Variants in HNRNPDL observed in about 807,000 individuals in gnomAD.
HNRNPDL encodes the protein heterogeneous nuclear ribonucleoprotein D like, also known as heterogeneous nuclear ribonucleoprotein D-like.
In HNRNPDL, 18 loss-of-function variants were observed where a neutral mutation model predicts 48.0. The ratio of observed to expected loss-of-function variants is 0.38; its 90% CI spans 0.26 to 0.56. The LOEUF (loss-of-function observed/expected upper bound fraction) is 0.56. HNRNPDL is among the 20% of genes least tolerant of loss of function. The pLI is 0.77. For synonymous variants in HNRNPDL, 306 were observed against 207.3 expected (o/e 1.48, Z -4.09); for missense variants, 553 against 540.7 (o/e 1.02, Z -0.23).
Position 82,426,633 on chromosome 4 carries a change from C to G in HNRNPDL, c.1022G>C (p.Gly341Ala). The change falls in exon 6 of 8, where the codon GGT (glycine) becomes GCT (alanine). Residue 341 changes from glycine to alanine, a missense_variant and splice_region_variant. Coordinates refer to ENST00000295470, the MANE Select transcript of HNRNPDL (RefSeq NM_031372.4). ...TCCTTGGTTCCAGTTTTGGCCCTGA[C>G]CTGAAACAATGCACAATGATTGTTA... is the stretch of plus-strand genomic sequence containing the variant. ...GRGGTRGRGR[G>A]QGQNWNQGFN... The G allele has an allele frequency of 6.2e-7, 1 of 1,613,256 alleles. No individual in the cohort carries two copies. The highest frequency in any genetic ancestry group is 8.5e-7 in the Non-Finnish European group (1 of 1,179,506).
intron 5 of HNRNPDL, among the ~76,000 whole-genome samples, 177 bp from the exon 6 acceptor site, chr4:82,426,810 A>G (rs776765402): frequency 2.6e-5 from 4 of 152,216 alleles, no homozygotes; most frequent in Non-Finnish European, 4.4e-5. Flanking sequence ...AGAAAGTCCA[A>G]TTGTGCCAGT....
At chr4:82,429,121 G>A in intron 1 of HNRNPDL, 127 bp downstream of exon 1, 3 of 844,098 alleles carry the variant, frequency 3.6e-6, no homozygotes, top group Non-Finnish European at 3.9e-6. Context: ...CTCCAATCTA[G>A]TGGGGCCCAG....
At chr4:82,426,236 TAA>T (rs1359796676) in intron 6 of HNRNPDL, 107 bp from the exon 7 acceptor site, 25 of 1,094,012 alleles carry the variant, frequency 2.3e-5, no homozygotes, top group Non-Finnish European at 3.3e-5. Flanking sequence ...TAAAAAGTAT[TAA>T]GATATTTTAG....
chr4:82,426,709 T>C, intron 5 of HNRNPDL, 76 bp from the exon 6 acceptor site: 3 of 1,210,446 alleles, frequency 2.5e-6, no homozygotes, highest in Non-Finnish European at 3.6e-6. Flanking sequence ...CGTTCTTGTC[T>C]CTCACTCTGC....
chr4:82,429,590 G>C lies in HNRNPDL; in HGVS notation c.101C>G (p.Pro34Arg), dbSNP rs988355917. 7 of 1,378,180 alleles carry C rather than the reference G, an allele frequency of 5.1e-6. No individual in the cohort carries two copies. The highest frequency in any genetic ancestry group is 1.6e-5 in the African/African-American group (1 of 64,236). 85.4% of individuals were successfully genotyped at this position (1,378,180 alleles called of 1,614,324 possible). Residue 34 changes from proline to arginine, a missense_variant, in exon 1 of 8, where the codon CCG becomes CGG. Physicochemically the swap from Pro to Arg is moderately radical, Grantham distance 103. Transcript: ENST00000295470. ...SRSLSHWRPR[P>R]PRQLAPLLPS... ...GAGGAGCGGGGCTAGCTGCCGCGGC[G>C]GCCGCGGCCGCCAATGGGAGAGGCT... is the stretch of plus-strand genomic sequence containing the variant.
rs1262248160 is a variant in HNRNPDL, at chr4:82,423,128, T to G, written c.*1778A>C. 6.6e-6 allele frequency: 1 copy of G among 152,210 alleles called. No individual in the cohort carries two copies. 9.4% of individuals were successfully genotyped at this position (152,210 alleles called of 1,614,324 possible). On this transcript the variant is annotated 3_prime_UTR_variant, in exon 8 of 8. Coordinates refer to ENST00000295470, the MANE Select transcript of HNRNPDL (RefSeq NM_031372.4). ...AATTCTCACTCCCCCTTCAATTCTT[T>G]GCAAAACATCTCAATCATCTCTAGA...
chr4:82,424,091 G>T lies in HNRNPDL; in HGVS notation c.*815C>A, dbSNP rs1468763805. On this transcript the variant is annotated 3_prime_UTR_variant, in exon 8 of 8. Transcript: ENST00000295470. ...ACCTTTCTACCAAAATCCTTGAGTT[G>T]TAACTACTTCCAATGCTCTTAAACC... The T allele has an allele frequency of 6.6e-6, 1 of 152,156 alleles. No homozygotes were observed. Among genetic ancestry groups the T allele is most frequent in the African/African-American group, 2.4e-5 (1 of 41,422 alleles). 9.4% of individuals were successfully genotyped at this position (152,156 alleles called of 1,614,324 possible). A position where few individuals can be genotyped will look rare whatever the true frequency, so the allele number is the denominator to read the frequency against.
Position 82,424,018 on chromosome 4 carries a change from CAACT to C in HNRNPDL, c.*884_*887del, listed in dbSNP as rs1031562855. On this transcript the variant is annotated 3_prime_UTR_variant, in exon 8 of 8. Transcript: ENST00000295470. The stretch of plus-strand genomic sequence containing the variant: ...ATCTTGTGGCGGCTCTGAGAAAACA[CAACT>C]AAATCTTATTTTGCCACTATTTTAA... 11 of 152,170 alleles carry C rather than the reference CAACT, an allele frequency of 7.2e-5. No homozygotes were observed. The highest frequency in any genetic ancestry group is 2.7e-4 in the African/African-American group (11 of 41,440). The allele number at this position is 152,170 out of a possible 1,614,324, so 9.4% of individuals were successfully genotyped here. A position where few individuals can be genotyped will look rare whatever the true frequency, so the allele number is the denominator to read the frequency against.
At position 82,429,410 on chromosome 4, in the gene HNRNPDL, G is replaced by A. The variant is rs1051584744; in HGVS notation, c.281C>T (p.Ser94Phe). 8.7e-6 allele frequency: 14 copies of A among 1,613,290 alleles called. No individual in the cohort carries two copies. Among genetic ancestry groups the A allele is most frequent in the Non-Finnish European group, 1.2e-5 (14 of 1,179,744 alleles). ...DLFRRHFKSS[S>F]IQRSAAAAAA... Reference sequence around the variant, plus strand: ...AGCAGCGGCGGCGGAGCGTTGTATGGAGCTGGATTTAAAATGGCGGCGGAA... The same window carrying A: ...AGCAGCGGCGGCGGAGCGTTGTATGAAGCTGGATTTAAAATGGCGGCGGAA... Residue 94 changes from serine to phenylalanine, a missense_variant, in exon 1 of 8, where the codon TCC becomes TTC. Transcript: ENST00000295470.
At position 82,423,145 on chromosome 4, in the gene HNRNPDL, A is replaced by G. The variant is rs543017954; in HGVS notation, c.*1761T>C. On this transcript the variant is annotated 3_prime_UTR_variant, in exon 8 of 8. Coordinates refer to ENST00000295470, the MANE Select transcript of HNRNPDL (RefSeq NM_031372.4). ...CAATTCTTTGCAAAACATCTCAATC[A>G]TCTCTAGATGTAGTGTATTTTTTCT... is the stretch of plus-strand genomic sequence containing the variant. 29 of 152,288 alleles carry G rather than the reference A, an allele frequency of 1.9e-4. No individual in the cohort carries two copies. Among genetic ancestry groups the G allele is most frequent in the African/African-American group, 6.7e-4 (28 of 41,552 alleles). The allele number at this position is 152,288 out of a possible 1,614,324, so 9.4% of individuals were successfully genotyped here.
chr4:82,426,409 T>C (rs1721410565), intron 6 of HNRNPDL, 54 bp downstream of exon 6: 1 of 1,483,978 alleles, frequency 6.7e-7, no homozygotes, highest in Non-Finnish European at 9.4e-7. Flanking sequence ...GGATTGTATG[T>C]TAACAATGAA....
chr4:82,429,308 T>G lies in HNRNPDL; in HGVS notation c.383A>C (p.Asn128Thr). The change falls in exon 1 of 8, where the codon AAT (asparagine) becomes ACT (threonine). Residue 128 changes from asparagine (N) to threonine (T), a missense_variant. Around this residue, in one of 4 missense-constraint regions of HNRNPDL, gnomAD observed 327 missense variants for 203.2 expected, o/e 1.61. Coordinates refer to ENST00000295470, the MANE Select transcript of HNRNPDL (RefSeq NM_031372.4). ...GGATCCCTCTGCGAATTCCTCTATA[T>G]TGCTGTACTCGTTCATATCCTCCAT... The part of the protein sequence containing the change: ...VTMEDMNEYS[N>T]IEEFAEGSKI... 1 of 1,613,836 alleles carries G rather than the reference T, an allele frequency of 6.2e-7. No homozygotes were observed. The highest frequency in any genetic ancestry group is 8.5e-7 in the Non-Finnish European group (1 of 1,179,892).
At chr4:82,426,369 T>A (rs1006975902) in intron 6 of HNRNPDL, 94 bp downstream of exon 6, 3 of 1,158,370 alleles carry the variant, frequency 2.6e-6, no homozygotes, top group Non-Finnish European at 3.8e-6. Context: ...AACACTTTAA[T>A]GGAAAGCCCA....
In HNRNPDL at chr4:82,429,763, A is replaced by G; in HGVS notation, c.-73T>C. 1.7e-6 allele frequency: 2 copies of G among 1,169,040 alleles called. No homozygotes were observed. The highest frequency in any genetic ancestry group is 2.2e-6 in the Non-Finnish European group (2 of 905,378). 72.4% of individuals were successfully genotyped at this position (1,169,040 alleles called of 1,614,324 possible). A position where few individuals can be genotyped will look rare whatever the true frequency, so the allele number is the denominator to read the frequency against. On this transcript the variant is annotated 5_prime_UTR_variant, in exon 1 of 8. Coordinates refer to ENST00000295470, the MANE Select transcript of HNRNPDL (RefSeq NM_031372.4). ...CTTGGGAGAAGAGAAGAATCAGAAG[A>G]GAAAAACGAAGGGGCGTAAATTCCT...
Position 82,424,057 on chromosome 4 carries a change from CAA to C in HNRNPDL, c.*847_*848del, listed in dbSNP as rs1324312457. On this transcript the variant is annotated 3_prime_UTR_variant, in exon 8 of 8. Transcript: ENST00000295470. ...TTTGCCACTATTTTAATTTTTCGAC[CAA>C]ACTCATACCTTTCTACCAAAATCCT... 1 of 152,160 alleles carries C rather than the reference CAA, an allele frequency of 6.6e-6. No individual in the cohort carries two copies. Among genetic ancestry groups the C allele is most frequent in the African/African-American group, 2.4e-5 (1 of 41,408 alleles). The allele number at this position is 152,160 out of a possible 1,614,324, so 9.4% of individuals were successfully genotyped here.
chr4:82,428,204 G>T, intron 2 of HNRNPDL, 25 bp from the exon 3 acceptor site: 1 of 1,611,936 alleles, frequency 6.2e-7, no homozygotes, highest in South Asian at 1.1e-5. Context: ...TATTTAATCT[G>T]ACAGCACCAT....
Position 82,427,509 on chromosome 4 carries a change from C to T in HNRNPDL, c.830G>A (p.Cys277Tyr). The T allele has an allele frequency of 6.2e-7, 1 of 1,609,600 alleles. No homozygotes were observed. Among genetic ancestry groups the T allele is most frequent in the Non-Finnish European group, 8.5e-7 (1 of 1,178,270 alleles). ...DTKTNERRGF[C>Y]FITYTDEEPV... ...CTCTTCATCAGTATATGTGATAAAACAAAATCCTCTTCTTTCATTTGTTTT... is the reference window on the plus strand; with the variant it reads ...CTCTTCATCAGTATATGTGATAAAATAAAATCCTCTTCTTTCATTTGTTTT... The change falls in exon 4 of 8, where the codon TGT becomes TAT. Residue 277 changes from cysteine to tyrosine, a missense_variant. Around this residue, in one of 4 missense-constraint regions of HNRNPDL, gnomAD observed 174 missense variants for 204.6 expected, o/e 0.85. Transcript: ENST00000295470.
At chr4:82,426,367 A>G in intron 6 of HNRNPDL, 96 bp downstream of exon 6, 1 of 1,141,930 alleles carries the variant, frequency 8.8e-7, no homozygotes. Flanking sequence ...CGAACACTTT[A>G]ATGGAAAGCC....
rs1223964206 is a variant in HNRNPDL at position 82,429,773 on chromosome 4, A to G, written c.-83T>C. ...GAGAAGAATCAGAAGAGAAAAACGAAGGGGCGTAAATTCCTGGGGTCAGCA... is the reference window on the plus strand; with the variant it reads ...GAGAAGAATCAGAAGAGAAAAACGAGGGGGCGTAAATTCCTGGGGTCAGCA... On this transcript the variant is annotated 5_prime_UTR_variant, in exon 1 of 8. Coordinates refer to ENST00000295470, the MANE Select transcript of HNRNPDL (RefSeq NM_031372.4). 9.9e-6 allele frequency: 11 copies of G among 1,105,718 alleles called. No individual in the cohort carries two copies. Among genetic ancestry groups the G allele is most frequent in the Non-Finnish European group, 8.2e-6 (7 of 848,708 alleles). 68.5% of individuals were successfully genotyped at this position (1,105,718 alleles called of 1,614,324 possible). A position where few individuals can be genotyped will look rare whatever the true frequency, so the allele number is the denominator to read the frequency against.
Sources: allele counts gnomAD v4.1 joint callset (sites outside exome capture counted in the v4.1 genomes callset), GRCh38; gene constraint gnomAD v4.1.1; regional missense constraint gnomAD v4.1.1; transcripts MANE v1.5; gene names NCBI Gene and HGNC (gene_info 2026-07-23, HGNC 2026-07-21).